PSKH2: variants seen among roughly 807,000 people sequenced by gnomAD.
The protein encoded by PSKH2 is protein serine kinase H2.
A neutral mutation model predicts 22.5 loss-of-function variants in PSKH2; 16 were observed. That is an observed-to-expected ratio of 0.71 (90% CI 0.48 to 1.08). The LOEUF (loss-of-function observed/expected upper bound fraction) is 1.08. Among genes scored for constraint, PSKH2 ranks in the 50% least tolerant of loss-of-function variants. The pLI, the probability that PSKH2 is intolerant of heterozygous loss-of-function variation, is 0.00. For missense variants in PSKH2, 516 were observed against 492.8 expected, an observed-to-expected ratio of 1.05 and a Z score of -0.44; for synonymous variants, 188 against 184.8, an observed-to-expected ratio of 1.02 and a Z score of -0.14.
chr8:86,053,607 A>G (rs1817662748), intron 2 of PSKH2, among the ~76,000 whole-genome samples: 1 of 152,182 alleles, frequency 6.6e-6, no homozygotes, highest in Non-Finnish European at 1.5e-5. Flanking sequence ...GGCTAATTTA[A>G]TATCTTGTGC....
rs750580609 is a variant in PSKH2 at position 86,065,540 on chromosome 8, T to C, written c.186-909A>G. Among the ~76,000 whole-genome samples the C allele has an allele frequency of 2.2e-4, 34 of 152,278 alleles. 1 individual carries two copies. Among genetic ancestry groups the C allele is most frequent in the Middle Eastern group, 3.4e-3 (1 of 294 alleles). ...AAAAGGCCAAGAACATATGTTTACC[T>C]ACGTAACAAACCTGCACATCCTGCA... is the stretch of plus-strand genomic sequence containing the variant. On this transcript the variant is annotated intron_variant, in intron 1 of 2. Coordinates refer to ENST00000276616, the MANE Select transcript of PSKH2 (RefSeq NM_033126.3).
At chr8:86,063,813 T>C in intron 2 of PSKH2, 152 bp downstream of exon 2, 5 of 614,554 alleles carry the variant, frequency 8.1e-6, no homozygotes, top group Non-Finnish European at 1.1e-5. Context: ...GGTACATTAC[T>C]GGTATTTAGA....
rs1347866484 is a variant in PSKH2, at chr8:86,047,192, CTA to C, written c.*1268_*1269del. On this transcript the variant is annotated 3_prime_UTR_variant, in exon 3 of 3. Coordinates refer to ENST00000276616, the MANE Select transcript of PSKH2 (RefSeq NM_033126.3). ...TTTTTTTCATTTACTCATTAGCCAT[CTA>C]TATGTTTATAAACCACCTGGTAAAA... Among the ~76,000 whole-genome samples, 2 of 152,030 alleles carry C rather than the reference CTA, an allele frequency of 1.3e-5. No homozygotes were observed. Among genetic ancestry groups the C allele is most frequent in the Non-Finnish European group, 2.9e-5 (2 of 68,004 alleles).
At chr8:86,061,767 C>A (rs770414439) in intron 2 of PSKH2, among the ~76,000 whole-genome samples, 1 of 152,116 alleles carries the variant, frequency 6.6e-6, no homozygotes, top group Non-Finnish European at 1.5e-5. Context: ...TTGAGTGGGG[C>A]CCTCGTGGAT....
chr8:86,051,560 C>A (rs755176569), intron 2 of PSKH2, among the ~76,000 whole-genome samples: 6 of 152,146 alleles, frequency 3.9e-5, no homozygotes, highest in Non-Finnish European at 8.8e-5. Flanking sequence ...ATAAACTCTG[C>A]AAGTCTAGAA....
intron 1 of PSKH2, among the ~76,000 whole-genome samples, chr8:86,068,727 G>C (rs934138353): frequency 3.9e-5 from 6 of 152,130 alleles, no homozygotes; most frequent in Non-Finnish European, 7.3e-5. Flanking sequence ...TAGAATTAGT[G>C]GAAGATCCTT....
chr8:86,063,740 T>C (rs978104490), intron 2 of PSKH2, among the ~76,000 whole-genome samples: 7 of 152,192 alleles, frequency 4.6e-5, no homozygotes, highest in African/African-American at 1.7e-4. Context: ...TCAGGGGCGA[T>C]TTTGCCCCAC....
rs1480802019 is a variant in PSKH2, at chr8:86,067,410, A to G, written c.185+2028T>C. Among the ~76,000 whole-genome samples the G allele has an allele frequency of 1.2e-4, 10 of 85,440 alleles. No homozygotes were observed. In the Admixed American group the frequency reaches 1.2e-3, roughly 10 times the overall value. 56.1% of individuals were successfully genotyped at this position (85,440 alleles called of 152,430 possible). ...ACTGAACAAAAGAATCATTCACTGA[A>G]TACATATTATTCCTGAATCATCATA... On this transcript the variant is annotated intron_variant, in intron 1 of 2. Transcript: ENST00000276616.
At chr8:86,066,573 G>A (rs1206550756) in intron 1 of PSKH2, 1 of 152,142 alleles carries the variant, frequency 6.6e-6, no homozygotes, top group African/African-American at 2.4e-5. Flanking sequence ...TACCCAGGGA[G>A]AAGGCACGTT....
In PSKH2 at chr8:86,048,084, G is replaced by A. The variant is rs1817553952; in HGVS notation, c.*378C>T. 6.6e-6 allele frequency among the ~76,000 whole-genome samples: 1 copy of A among 152,108 alleles called. No individual in the cohort carries two copies. Among genetic ancestry groups the A allele is most frequent in the African/African-American group, 2.4e-5 (1 of 41,432 alleles). ...CTTAAATAAAAATCAGTAATTTCAG[G>A]ATAAATACATATATTCCCCATATCT... On this transcript the variant is annotated 3_prime_UTR_variant, in exon 3 of 3. Transcript: ENST00000276616.
chr8:86,063,477 C>T (rs1324439464), intron 2 of PSKH2, among the ~76,000 whole-genome samples: 1 of 152,176 alleles, frequency 6.6e-6, no homozygotes, highest in Non-Finnish European at 1.5e-5. Flanking sequence ...AAACATTTCG[C>T]TGAGAAAACA....
intron 2 of PSKH2, among the ~76,000 whole-genome samples, chr8:86,052,416 G>A (rs1284187506): frequency 2.0e-5 from 3 of 152,198 alleles, no homozygotes; most frequent in Non-Finnish European, 4.4e-5. Flanking sequence ...GGACTAGACA[G>A]GCAGTCTGAC....
intron 2 of PSKH2, among the ~76,000 whole-genome samples, chr8:86,059,241 T>C (rs1817745361): frequency 6.6e-6 from 1 of 152,190 alleles, no homozygotes; most frequent in African/African-American, 2.4e-5. Context: ...ATGCCCAACC[T>C]ATTTAATTTG....
intron 1 of PSKH2, 74 bp downstream of exon 1, chr8:86,069,364 C>A (rs955178493): frequency 1.2e-5 from 16 of 1,389,788 alleles, no homozygotes; most frequent in African/African-American, 1.5e-5. Context: ...CTGAAGGGAA[C>A]CTCGAGGCGG....
At chr8:86,049,079 TC>T (rs1817573786) in intron 2 of PSKH2, among the ~76,000 whole-genome samples, 1 of 152,084 alleles carries the variant, frequency 6.6e-6, no homozygotes, top group Non-Finnish European at 1.5e-5. Flanking sequence ...CAATACGAGT[TC>T]CCATACTGCA....
At position 86,048,735 on chromosome 8, in the gene PSKH2, G is replaced by A. The variant is rs371926334; in HGVS notation, c.885C>T (p.Asp295=). 2.5e-6 allele frequency: 4 copies of A among 1,611,490 alleles called. No homozygotes were observed. Among genetic ancestry groups the A allele is most frequent in the Non-Finnish European group, 3.4e-6 (4 of 1,178,160 alleles). ...CCAAAATCAGTAGTTTGTCTATAAAGTCCTTCGCCAAGTGGGAAATGCTTG... is the reference window on the plus strand; with the variant it reads ...CCAAAATCAGTAGTTTGTCTATAAAATCCTTCGCCAAGTGGGAAATGCTTG... ...PWPSISHLAK[D]FIDKLLILEA... Residue 295 remains aspartate (D), a synonymous_variant, in exon 3 of 3, where the codon GAC becomes GAT. Transcript: ENST00000276616.
chr8:86,067,622 G>C (rs937550193), intron 1 of PSKH2, among the ~76,000 whole-genome samples: 4 of 151,866 alleles, frequency 2.6e-5, no homozygotes, highest in African/African-American at 9.7e-5. Context: ...TTTAACCTCA[G>C]CTGCTATGAT....
chr8:86,061,683 G>C (rs190772568), intron 2 of PSKH2, among the ~76,000 whole-genome samples: 2 of 152,294 alleles, frequency 1.3e-5, no homozygotes, highest in Admixed American at 1.3e-4. Flanking sequence ...GAAAGAATGA[G>C]AGAGAAAGGC....
upstream of PSKH2, among the ~76,000 whole-genome samples, chr8:86,069,966 A>C (rs1016213518): frequency 6.6e-6 from 1 of 152,202 alleles, no homozygotes; most frequent in African/African-American, 2.4e-5. Flanking sequence ...CGTCCCTCTA[A>C]AGAACTTTTC....
Sources: gnomAD v4.1 joint callset for allele counts (sites outside exome capture counted in the v4.1 genomes callset) on GRCh38, gnomAD v4.1.1 for gene constraint, MANE v1.5 for transcripts, NCBI Gene and HGNC (gene_info 2026-07-23, HGNC 2026-07-21) for gene names.